TBC1D5: variants seen among roughly 807,000 people sequenced by gnomAD.
TBC1D5 encodes the protein TBC1 domain family, member 5.
Under a neutral mutation model 100.3 loss-of-function variants are expected in TBC1D5, and 75 were observed. The ratio of observed to expected loss-of-function variants is 0.75; its 90% CI spans 0.62 to 0.91. The LOEUF is 0.91. Ranked by LOEUF, TBC1D5 falls within the 40% of genes least tolerant of loss-of-function variation. The probability of loss-of-function intolerance (pLI) is 0.00; values close to 1 mark genes in which losing one functional copy is unlikely to be tolerated. For missense variants in TBC1D5, 910 were observed against 942.4 expected (o/e 0.97, Z 0.45); for synonymous variants, 323 against 325.6 (o/e 0.99, Z 0.09).
intron 1 of TBC1D5, among the ~76,000 whole-genome samples, chr3:17,684,636 T>C (rs1490400543): frequency 6.6e-6 from 1 of 152,044 alleles, no homozygotes; most frequent in Non-Finnish European, 1.5e-5. Flanking sequence ...TGATTAAAAA[T>C]AGAAACTTCA....
intron 9 of TBC1D5, among the ~76,000 whole-genome samples, chr3:17,379,228 G>C (rs1408918542): frequency 6.6e-6 from 1 of 151,836 alleles, no homozygotes; most frequent in Non-Finnish European, 1.5e-5. Flanking sequence ...CTTGAGGAGA[G>C]TATTTTTAAG....
intron 2 of TBC1D5, among the ~76,000 whole-genome samples, chr3:17,544,872 T>C (rs2096399550): frequency 6.6e-6 from 1 of 152,122 alleles, no homozygotes; most frequent in Non-Finnish European, 1.5e-5. Flanking sequence ...TTAGATACAG[T>C]AAACTAATCT....
intron 13 of TBC1D5, among the ~76,000 whole-genome samples, chr3:17,336,189 G>C (rs1260429294): frequency 6.6e-6 from 1 of 152,070 alleles, no homozygotes; most frequent in Non-Finnish European, 1.5e-5. Context: ...ATATGGAAAA[G>C]AGGATGCAAG....
intron 3 of TBC1D5, among the ~76,000 whole-genome samples, chr3:17,463,708 GA>G (rs1218336976): frequency 6.6e-6 from 1 of 152,124 alleles, no homozygotes; most frequent in Admixed American, 6.5e-5. Context: ...CAAGGCTAAA[GA>G]AAAGTCAGTA....
In TBC1D5 at chr3:17,326,177, C is replaced by G. The variant is rs188441046; in HGVS notation, c.996-18043G>C. Among the ~76,000 whole-genome samples, 125 of 152,200 alleles carry G rather than the reference C, an allele frequency of 8.2e-4. 2 individuals are homozygous for G. The East Asian group carries it at 0.012, about 15-fold the overall frequency. ...CCAGCATAAAATTTGTTCTCATATTCAAAATACAGATAAAGAGAGAACCTG... is the reference window on the plus strand; with the variant it reads ...CCAGCATAAAATTTGTTCTCATATTGAAAATACAGATAAAGAGAGAACCTG... On this transcript the variant is annotated intron_variant, in intron 13 of 21. Transcript: ENST00000253692.
At chr3:17,379,717 CA>C (rs1331859085) in intron 9 of TBC1D5, among the ~76,000 whole-genome samples, 1 of 151,996 alleles carries the variant, frequency 6.6e-6, no homozygotes, top group Non-Finnish European at 1.5e-5. Context: ...GAAAACTACA[CA>C]TACCATGCTG....
intron 2 of TBC1D5, among the ~76,000 whole-genome samples, chr3:17,582,243 A>C (rs1044240843): frequency 6.6e-6 from 1 of 152,240 alleles, no homozygotes; most frequent in African/African-American, 2.4e-5. Context: ...CTCAATGAGT[A>C]AGACTGGCTT....
intron 19 of TBC1D5, among the ~76,000 whole-genome samples, chr3:17,171,066 C>G (rs1287290145): frequency 2.6e-5 from 4 of 152,164 alleles, no homozygotes. Context: ...AACCTGTGAA[C>G]CAGGAAGTCC....
At position 17,638,408 on chromosome 3, in the gene TBC1D5, G is replaced by C. The variant is rs188430567; in HGVS notation, c.-100-14495C>G. Among the ~76,000 whole-genome samples, 34 of 152,020 alleles carry C rather than the reference G, an allele frequency of 2.2e-4. 1 individual carries two copies. In the East Asian group the frequency reaches 6.4e-3, roughly 28 times the overall value. Reference sequence around the variant, plus strand: ...CTACTGTAGACATCTCATATGAAAAGAATCATCTAGTATATGGTCTTTTGT... The same window carrying C: ...CTACTGTAGACATCTCATATGAAAACAATCATCTAGTATATGGTCTTTTGT... On this transcript the variant is annotated intron_variant, in intron 1 of 21. Transcript: ENST00000253692.
chr3:17,492,915 T>A (rs2095656690), intron 3 of TBC1D5, among the ~76,000 whole-genome samples: 1 of 151,866 alleles, frequency 6.6e-6, no homozygotes, highest in African/African-American at 2.4e-5. Flanking sequence ...GTCTTTTAAT[T>A]GGGCATTTAG....
chr3:17,195,333 G>C (rs1224849807), intron 18 of TBC1D5, among the ~76,000 whole-genome samples: 1 of 152,140 alleles, frequency 6.6e-6, no homozygotes, highest in African/African-American at 2.4e-5. Flanking sequence ...TACTTAACAA[G>C]GGTTTTCCCC....
chr3:17,691,721 G>A (rs2071190939), intron 1 of TBC1D5, among the ~76,000 whole-genome samples: 2 of 151,948 alleles, frequency 1.3e-5, no homozygotes, highest in Admixed American at 6.6e-5. Flanking sequence ...GGAGCCTGAG[G>A]CAGGAGAATC....
intron 18 of TBC1D5, among the ~76,000 whole-genome samples, chr3:17,211,494 CT>C (rs1208889088): frequency 6.6e-6 from 1 of 152,202 alleles, no homozygotes; most frequent in Non-Finnish European, 1.5e-5. Flanking sequence ...AATTTTCAGT[CT>C]TTTGCTGACA....
intron 2 of TBC1D5, among the ~76,000 whole-genome samples, chr3:17,510,085 A>T (rs2095886688): frequency 6.6e-6 from 1 of 151,096 alleles, no homozygotes; most frequent in African/African-American, 2.5e-5. Context: ...CAGCAAGGAC[A>T]TGAGAAAAAG....
intron 16 of TBC1D5, among the ~76,000 whole-genome samples, chr3:17,239,970 T>A (rs1436603116): frequency 6.6e-6 from 1 of 152,280 alleles, no homozygotes; most frequent in East Asian, 1.9e-4. Context: ...AAATTGAAAA[T>A]CAACTTTAAG....
At chr3:17,669,199 C>T (rs532987832) in intron 1 of TBC1D5, among the ~76,000 whole-genome samples, 12 of 152,060 alleles carry the variant, frequency 7.9e-5, no homozygotes, top group Non-Finnish European at 1.6e-4. Flanking sequence ...TTCTCCTTCC[C>T]GCCACCATGT....
intron 1 of TBC1D5, among the ~76,000 whole-genome samples, chr3:17,694,855 G>C (rs185969277): frequency 1.3e-5 from 2 of 152,098 alleles, no homozygotes; most frequent in Non-Finnish European, 2.9e-5. Context: ...GAGAAAGGTC[G>C]AGTTACCCAC....
rs117786495 is a variant in TBC1D5 at position 17,435,914 on chromosome 3, A to G, written c.98-7395T>C. ...GCTTCCACCAAAAGCTGATCACTAT[A>G]TGAGGACTGCAAGCGTGGCTAAATG... On this transcript the variant is annotated intron_variant, in intron 3 of 21. Transcript: ENST00000253692. Among the ~76,000 whole-genome samples, 155 of 152,368 alleles carry G rather than the reference A, an allele frequency of 1.0e-3. 2 individuals carry two copies. In the South Asian group the frequency reaches 0.018, roughly 18 times the overall value.
exon 7 of TBC1D5, chr3:17,404,744 C>A (rs1012193160): frequency 3.7e-6 from 6 of 1,608,366 alleles, no homozygotes; most frequent in Non-Finnish European, 4.2e-6. Flanking sequence ...TGTTGGCCAA[C>A]AACCTTCCTC....
Sources: allele counts gnomAD v4.1 joint callset (sites outside exome capture counted in the v4.1 genomes callset), GRCh38; gene constraint gnomAD v4.1.1; transcripts MANE v1.5; gene names NCBI Gene and HGNC (gene_info 2026-07-23, HGNC 2026-07-21).